The following MEAK7 variants were observed in gnomAD, a reference collection of about 807,000 sequenced individuals.
MEAK7 encodes the protein MTOR associated protein MEAK7, also known as MTOR-associated protein MEAK7.
A neutral mutation model predicts 40.5 loss-of-function variants in MEAK7; 68 were observed. The ratio of observed to expected loss-of-function variants is 1.68; its 90% CI spans 1.38 to 2.06. The LOEUF is 2.06. Ranked by LOEUF, MEAK7 falls within the 30% of genes most tolerant of loss-of-function variation. The pLI, the probability that MEAK7 is intolerant of heterozygous loss-of-function variation, is 0.00. For missense variants in MEAK7, 918 were observed against 580.5 expected (o/e 1.58, Z -5.98); for synonymous variants, 338 against 231.9 (o/e 1.46, Z -4.16).
Position 84,479,965 on chromosome 16 carries a change from C to A in MEAK7, c.1319G>T (p.Ser440Ile), listed in dbSNP as rs375163222. 3.1e-6 allele frequency: 5 copies of A among 1,610,138 alleles called. No individual in the cohort carries two copies. The highest frequency in any genetic ancestry group is 1.7e-5 in the Admixed American group (1 of 59,834). The change falls in exon 8 of 8, where the codon AGT becomes ATT. Residue 440 changes from serine to isoleucine, a missense_variant. Coordinates refer to ENST00000343629, the MANE Select transcript of MEAK7 (RefSeq NM_020947.4). ...DPEAQALLEI[S>I]GHSRHSEGLR... ...CCCTTCGCTGTGGCGCGAATGCCCA[C>A]TGATCTCCAGCAGGGCCTGGGCCTC...
chr16:84,489,945 G>C (rs1264594905), intron 3 of MEAK7, among the ~76,000 whole-genome samples: 1 of 152,208 alleles, frequency 6.6e-6, no homozygotes, highest in African/African-American at 2.4e-5. Flanking sequence ...TAAGATGGCA[G>C]AGGGCAGTCT....
chr16:84,497,571 T>C, intron 2 of MEAK7: 1 of 1,300,470 alleles, frequency 7.7e-7, no homozygotes, highest in South Asian at 1.2e-5. Flanking sequence ...GCTATCTCTC[T>C]CCTCTGATGT....
chr16:84,487,204 C>A (rs779459103), intron 4 of MEAK7, 145 bp from the exon 5 acceptor site: 1 of 707,150 alleles, frequency 1.4e-6, no homozygotes, highest in Non-Finnish European at 2.2e-6. Flanking sequence ...TTGAGAGGTG[C>A]CGTCAGTGTA....
Position 84,495,887 on chromosome 16 carries a change from T to G in MEAK7, c.180A>C (p.Pro60=), listed in dbSNP as rs1456489916. 18 of 1,613,944 alleles carry G rather than the reference T, an allele frequency of 1.1e-5. No homozygotes were observed. The highest frequency in any genetic ancestry group is 1.4e-5 in the Non-Finnish European group (17 of 1,180,022). Residue 60 remains proline (P), a synonymous_variant, in exon 3 of 8, where the codon CCA becomes CCC. Transcript: ENST00000343629. ...CATCATACAGCCTGGTGACCATCTC[T>G]GGGGGAAGAGCTTCCCCGACGTGGT... ...LQNHVGEALP[P]EMVTRLYDGM...
chr16:84,494,919 C>T, intron 3 of MEAK7: 1 of 422,522 alleles, frequency 2.4e-6, no homozygotes, highest in Non-Finnish European at 4.6e-6. Context: ...CTGAGTCTTG[C>T]AAGAAACTGC....
At chr16:84,503,780 T>C (rs541004521) in intron 1 of MEAK7, among the ~76,000 whole-genome samples, 33 of 152,120 alleles carry the variant, frequency 2.2e-4, no homozygotes, top group Admixed American at 1.3e-4. Flanking sequence ...CAGGGACCGA[T>C]TGTCTGCAGG....
chr16:84,480,148 C>T (rs1265872515), intron 7 of MEAK7, 122 bp from the exon 8 acceptor site: 2 of 762,474 alleles, frequency 2.6e-6, no homozygotes. Context: ...AGGCCCCTCC[C>T]ACTCTGGGAT....
At chr16:84,502,494 G>A (rs1050448847) in intron 1 of MEAK7, among the ~76,000 whole-genome samples, 24 of 151,976 alleles carry the variant, frequency 1.6e-4, no homozygotes, top group African/African-American at 4.6e-4. Context: ...CAGAAGTCTC[G>A]AGGCCAATGT....
At chr16:84,483,794 G>C (rs558829429) in intron 5 of MEAK7, among the ~76,000 whole-genome samples, 72 of 152,220 alleles carry the variant, frequency 4.7e-4, no homozygotes, top group Non-Finnish European at 1.5e-4. Context: ...GCTGGGGCAA[G>C]AGTCCCCATG....
At chr16:84,491,175 C>A (rs9936378) in intron 3 of MEAK7, among the ~76,000 whole-genome samples, 4,514 of 151,970 alleles carry the variant, frequency 0.03, 261 homozygotes, top group African/African-American at 0.1. Context: ...CGTGGTGGCT[C>A]ACGCCTGTAA....
chr16:84,488,845 G>A (rs529766704), intron 4 of MEAK7, among the ~76,000 whole-genome samples: 40 of 152,212 alleles, frequency 2.6e-4, no homozygotes, highest in East Asian at 9.6e-4. Context: ...AGAAGATCTC[G>A]AATCAATAAC....
At chr16:84,488,779 T>A (rs1913311067) in intron 4 of MEAK7, among the ~76,000 whole-genome samples, 1 of 152,212 alleles carries the variant, frequency 6.6e-6, no homozygotes, top group Admixed American at 6.5e-5. Context: ...ACTTATGGCA[T>A]GCAGCGAAGG....
intron 1 of MEAK7, among the ~76,000 whole-genome samples, chr16:84,501,484 C>G (rs1274717228): frequency 6.6e-6 from 1 of 152,138 alleles, no homozygotes; most frequent in Non-Finnish European, 1.5e-5. Flanking sequence ...CCTGGCCAGC[C>G]CTCACCAACC....
chr16:84,481,069 T>G lies in MEAK7; in HGVS notation c.1078-361A>C, dbSNP rs571650949. 2.8e-3 allele frequency among the ~76,000 whole-genome samples: 424 copies of G among 152,018 alleles called. 1 individual carries two copies. Among genetic ancestry groups the G allele is most frequent in the South Asian group, 0.011 (52 of 4,818 alleles). On this transcript the variant is annotated intron_variant, in intron 6 of 7. Transcript: ENST00000343629. ...CGCCCAGTTAAGATAAGGGGAGAGG[T>G]GAACACAGAAGCTGACACTGCAAAC...
chr16:84,480,396 G>A, intron 7 of MEAK7, 133 bp downstream of exon 7: 13 of 1,107,722 alleles, frequency 1.2e-5, no homozygotes, highest in Non-Finnish European at 1.6e-5. Context: ...ATCCAAGCCA[G>A]CATCAGCTAC....
rs114359376 is a variant in MEAK7 at position 84,482,424 on chromosome 16, G to A, written c.1077+168C>T. ...CTCTAAGGGAAACCCTGGCCCAGCT[G>A]TCACTGCCCCCAGCACCGGCCCTGG... is the stretch of plus-strand genomic sequence containing the variant. On this transcript the variant is annotated intron_variant, in intron 6 of 7. Coordinates refer to ENST00000343629, the MANE Select transcript of MEAK7 (RefSeq NM_020947.4). Among the ~76,000 whole-genome samples, 1,269 of 152,324 alleles carry A rather than the reference G, an allele frequency of 8.3e-3. 19 individuals are homozygous for A. Among genetic ancestry groups the A allele is most frequent in the African/African-American group, 0.029 (1,192 of 41,566 alleles).
chr16:84,498,767 C>T (rs923683204), intron 1 of MEAK7, among the ~76,000 whole-genome samples: 1 of 152,170 alleles, frequency 6.6e-6, no homozygotes, highest in African/African-American at 2.4e-5. Flanking sequence ...AATATTCATT[C>T]TTTAAAACCA....
intron 3 of MEAK7, among the ~76,000 whole-genome samples, chr16:84,491,363 C>A (rs576478270): frequency 5.3e-5 from 8 of 152,040 alleles, no homozygotes; most frequent in African/African-American, 1.9e-4. Context: ...CATGATGAGA[C>A]CCCCGTCTCT....
intron 4 of MEAK7, chr16:84,487,695 C>T (rs1260714155): frequency 6.6e-6 from 1 of 152,414 alleles, no homozygotes; most frequent in Admixed American, 6.5e-5. Flanking sequence ...CACTTGGAGC[C>T]CTATTTTCCA....
Sources: gnomAD v4.1 joint callset for allele counts (sites outside exome capture counted in the v4.1 genomes callset) on GRCh38, gnomAD v4.1.1 for gene constraint, MANE v1.5 for transcripts, NCBI Gene and HGNC (gene_info 2026-07-23, HGNC 2026-07-21) for gene names.